The following USP34 variants were observed in gnomAD, a reference collection of about 807,000 sequenced individuals.
USP34 encodes ubiquitin specific peptidase 34.
Under a neutral mutation model 460.3 loss-of-function variants are expected in USP34, and 70 were observed. That is an observed-to-expected ratio of 0.15 (90% CI 0.13 to 0.19). USP34 has a LOEUF of 0.19. USP34 is among the 10% of genes least tolerant of loss of function. The pLI is 1.00. For missense variants in USP34, 3,985 were observed against 4,236.2 expected (o/e 0.94, Z 1.65); for synonymous variants, 1,647 against 1,405.3 (o/e 1.17, Z -3.85).
chr2:61,300,486 C>A (rs935180635), intron 29 of USP34, among the ~76,000 whole-genome samples: 1 of 150,676 alleles, frequency 6.6e-6, no homozygotes, highest in Non-Finnish European at 1.5e-5. Context: ...CGCCCCGGCC[C>A]AATTTTACTA....
intron 3 of USP34, among the ~76,000 whole-genome samples, chr2:61,404,888 C>T (rs1018374859): frequency 1.3e-5 from 2 of 151,982 alleles, no homozygotes; most frequent in African/African-American, 4.8e-5. Context: ...GAAATGCTTG[C>T]AAAAACATCA....
chr2:61,224,415 T>C (rs1474687861), intron 62 of USP34, among the ~76,000 whole-genome samples: 1 of 152,202 alleles, frequency 6.6e-6, no homozygotes, highest in South Asian at 2.1e-4. Context: ...TAATTAACAG[T>C]ATCTTGTAGA....
intron 27 of USP34, among the ~76,000 whole-genome samples, chr2:61,310,292 T>A (rs1418800303): frequency 6.6e-6 from 1 of 152,198 alleles, no homozygotes; most frequent in African/African-American, 2.4e-5. Context: ...GAGACAAAGA[T>A]ATTCTCTGTC....
chr2:61,249,688 A>C (rs1301466467), intron 48 of USP34: 1 of 152,928 alleles, frequency 6.5e-6, no homozygotes, highest in Non-Finnish European at 1.5e-5. Flanking sequence ...CTCTAGCACC[A>C]TGTCACAGAG....
chr2:61,239,068 A>G (rs1272302976), intron 53 of USP34, among the ~76,000 whole-genome samples: 1 of 151,938 alleles, frequency 6.6e-6, no homozygotes, highest in African/African-American at 2.4e-5. Context: ...AACTACACCC[A>G]TATAAGACGG....
At chr2:61,371,946 A>C (rs571550900) in intron 8 of USP34, among the ~76,000 whole-genome samples, 1 of 152,334 alleles carries the variant, frequency 6.6e-6, no homozygotes, top group East Asian at 1.9e-4. Flanking sequence ...GTCAAGCAGC[A>C]ACAGGTTATA....
chr2:61,228,536 C>A, intron 61 of USP34, 109 bp downstream of exon 61: 1 of 857,472 alleles, frequency 1.2e-6, no homozygotes, highest in East Asian at 2.5e-5. Context: ...TATCTAACAC[C>A]AGGTTCCAGA....
In USP34 at chr2:61,421,287, G is replaced by GT. The variant is rs535326999; in HGVS notation, c.44-455dup. ...CTCCAGCTTAGTATTCCAAGAACCA[G>GT]TCTCATGGTACTCCTCTCAGAGGTA... On this transcript the variant is annotated intron_variant, in intron 1 of 79. Transcript: ENST00000398571. Among the ~76,000 whole-genome samples the GT allele has an allele frequency of 1.7e-3, 258 of 152,258 alleles. 2 individuals carry two copies. The highest frequency in any genetic ancestry group is 5.8e-3 in the African/African-American group (243 of 41,542).
intron 3 of USP34, among the ~76,000 whole-genome samples, chr2:61,404,043 G>C (rs1693798130): frequency 7.2e-6 from 1 of 138,936 alleles, no homozygotes; most frequent in Non-Finnish European, 1.6e-5. Flanking sequence ...AGGAAAGAAG[G>C]ACAGAAAGTA....
chr2:61,470,724 T>G lies in USP34; in HGVS notation c.-32A>C. The stretch of plus-strand genomic sequence containing the variant: ...GCCGCCGCCCCCCCCCTCCCCCGCT[T>G]CGGATCACACTGACTGATCCCGACC... On this transcript the variant is annotated 5_prime_UTR_variant, in exon 1 of 80. Transcript: ENST00000398571. 2 of 1,567,252 alleles carry G rather than the reference T, an allele frequency of 1.3e-6. No individual in the cohort carries two copies.
intron 28 of USP34, 75 bp downstream of exon 28, chr2:61,301,279 A>T: frequency 6.5e-7 from 1 of 1,535,380 alleles, no homozygotes. Context: ...AGCTGTTTTT[A>T]AACTACATCT....
At chr2:61,366,574 T>TA (rs1423651710) in intron 10 of USP34, among the ~76,000 whole-genome samples, 1 of 152,192 alleles carries the variant, frequency 6.6e-6, no homozygotes, top group Non-Finnish European at 1.5e-5. Context: ...TTCTCTCATT[T>TA]AGAGTCCTAC....
chr2:61,319,557 C>T (rs927276514), intron 21 of USP34, among the ~76,000 whole-genome samples: 1 of 149,814 alleles, frequency 6.7e-6, no homozygotes, highest in African/African-American at 2.4e-5. Context: ...AAAAAAGAAT[C>T]ACAGCAGCCA....
At chr2:61,203,323 G>A (rs1015443548) in intron 74 of USP34, 60 bp from the exon 75 acceptor site, 1 of 1,368,518 alleles carries the variant, frequency 7.3e-7, no homozygotes, top group Non-Finnish European at 9.5e-7. Flanking sequence ...AGCATATTTT[G>A]TGCAAATGTA....
chr2:61,351,556 G>C (rs554943944), intron 10 of USP34, among the ~76,000 whole-genome samples: 2 of 151,984 alleles, frequency 1.3e-5, no homozygotes, highest in Non-Finnish European at 2.9e-5. Context: ...CAATTTGAGG[G>C]CTGTCAAATG....
Position 61,348,004 on chromosome 2 carries a change from C to G in USP34, c.2151G>C (p.Gly717=), listed in dbSNP as rs761302329. 6.2e-7 allele frequency: 1 copy of G among 1,614,126 alleles called. No individual in the cohort carries two copies. Among genetic ancestry groups the G allele is most frequent in the Admixed American group, 1.7e-5 (1 of 60,012 alleles). ...GEMNATHIAQ[G]SQESCITRTG... ...TTCGTGTGATACAAGACTCCTGAGA[C>G]CCTTGTGCTATATGAGTAGCATTCA... The change falls in exon 15 of 80, where the codon GGG becomes GGC. Residue 717 remains glycine (G), a synonymous_variant. Coordinates refer to ENST00000398571, the MANE Select transcript of USP34 (RefSeq NM_014709.4).
intron 15 of USP34, among the ~76,000 whole-genome samples, chr2:61,344,697 A>G (rs1691710601): frequency 6.6e-6 from 1 of 152,204 alleles, no homozygotes; most frequent in Non-Finnish European, 1.5e-5. Flanking sequence ...CAAACTGAAT[A>G]TATTGCACCT....
intron 21 of USP34, among the ~76,000 whole-genome samples, chr2:61,323,861 C>T (rs6715115): frequency 6.3e-4 from 96 of 152,168 alleles, no homozygotes; most frequent in African/African-American, 2.1e-3. Flanking sequence ...CAATAAATGA[C>T]GTAATAACAC....
intron 6 of USP34, 49 bp from the exon 7 acceptor site, chr2:61,380,410 T>G: frequency 6.5e-7 from 1 of 1,549,480 alleles, no homozygotes; most frequent in Non-Finnish European, 8.8e-7. Context: ...TAAAGCATTT[T>G]TAAAGACCAC....
Sources: gnomAD v4.1 joint callset for allele counts (sites outside exome capture counted in the v4.1 genomes callset) on GRCh38, gnomAD v4.1.1 for gene constraint, MANE v1.5 for transcripts, NCBI Gene and HGNC (gene_info 2026-07-23, HGNC 2026-07-21) for gene names.